The following CFAP54 variants were observed in gnomAD, a reference collection of about 807,000 sequenced individuals.
CFAP54 encodes cilia- and flagella-associated protein 54.
Under a neutral mutation model 370.4 loss-of-function variants are expected in CFAP54, and 290 were observed. The ratio of observed to expected loss-of-function variants is 0.78; its 90% CI spans 0.71 to 0.86. CFAP54 has a LOEUF of 0.86. Among genes scored for constraint, CFAP54 ranks in the 40% least tolerant of loss-of-function variants. The pLI, the probability that CFAP54 is intolerant of heterozygous loss-of-function variation, is 0.00. For synonymous variants in CFAP54, 1,206 were observed against 1,236.5 expected (o/e 0.98, Z 0.52); for missense variants, 3,399 against 3,528.7 (o/e 0.96, Z 0.93).
At chr12:96,629,945 G>A (rs1048266884) in intron 30 of CFAP54, 148 bp from the exon 31 acceptor site, 3 of 411,734 alleles carry the variant, frequency 7.3e-6, no homozygotes, top group Non-Finnish European at 1.3e-5. Flanking sequence ...ATGCTGAACA[G>A]AGATATCACA....
intron 9 of CFAP54, 67 bp from the exon 10 acceptor site, chr12:96,533,725 A>G (rs749113729): frequency 5.8e-5 from 69 of 1,189,700 alleles, no homozygotes; most frequent in Admixed American, 3.8e-4. Flanking sequence ...GAAAGTGTCT[A>G]TAGTGAATAT....
chr12:96,676,441 A>G (rs1247114152), intron 39 of CFAP54, among the ~76,000 whole-genome samples: 5 of 152,220 alleles, frequency 3.3e-5, no homozygotes, highest in African/African-American at 1.2e-4. Context: ...CCTAAATGTT[A>G]AAATCCTCAC....
rs917884707 is a variant in CFAP54 at position 96,776,981 on chromosome 12, G to T, written c.8282-7736G>T. 2.0e-5 allele frequency among the ~76,000 whole-genome samples: 3 copies of T among 152,054 alleles called. No homozygotes were observed. The East Asian group carries it at 5.8e-4, about 29-fold the overall frequency. On this transcript the variant is annotated intron_variant, in intron 60 of 67. Coordinates refer to ENST00000524981, the MANE Select transcript of CFAP54 (RefSeq NM_001306084.2). ...TATAAGTTTTCCAAAATTCTAAATC[G>T]TTACTTCAAAACTTGAATTTTATCT...
chr12:96,518,229 C>G (rs1404291551), intron 5 of CFAP54, among the ~76,000 whole-genome samples: 3 of 152,202 alleles, frequency 2.0e-5, no homozygotes, highest in African/African-American at 4.8e-5. Context: ...ATCACAGGCC[C>G]CAGGCTGTAA....
intron 39 of CFAP54, among the ~76,000 whole-genome samples, chr12:96,674,162 G>C (rs1215664365): frequency 6.6e-6 from 1 of 152,110 alleles, no homozygotes; most frequent in Non-Finnish European, 1.5e-5. Flanking sequence ...CCCTTTGGCA[G>C]GTGTGTTTGA....
intron 9 of CFAP54, among the ~76,000 whole-genome samples, chr12:96,530,240 A>G (rs1448853103): frequency 6.6e-6 from 1 of 152,250 alleles, no homozygotes; most frequent in African/African-American, 2.4e-5. Flanking sequence ...CTGTAACCCC[A>G]GCCCTTTGGG....
chr12:96,691,829 CCTT>C (rs2136565253), intron 44 of CFAP54, among the ~76,000 whole-genome samples: 1 of 152,140 alleles, frequency 6.6e-6, no homozygotes, highest in Non-Finnish European at 1.5e-5. Flanking sequence ...GCTCTCCTCT[CCTT>C]TGGGGAAAGA....
chr12:96,530,995 T>G (rs904381668), intron 9 of CFAP54, among the ~76,000 whole-genome samples: 1 of 152,236 alleles, frequency 6.6e-6, no homozygotes. Context: ...TAGTGTCTTT[T>G]GTTCACTTTC....
At chr12:96,779,046 G>T (rs2136687493) in intron 60 of CFAP54, among the ~76,000 whole-genome samples, 1 of 148,338 alleles carries the variant, frequency 6.7e-6, no homozygotes, top group East Asian at 2.0e-4. Context: ...GGTAGAGGTT[G>T]CAATGAGCTG....
intron 36 of CFAP54, among the ~76,000 whole-genome samples, chr12:96,656,824 G>A (rs1006461816): frequency 1.3e-5 from 2 of 152,240 alleles, no homozygotes; most frequent in Non-Finnish European, 2.9e-5. Context: ...TAGAATCAGT[G>A]AATTACAGTG....
At chr12:96,678,269 A>AT (rs369573628) in intron 39 of CFAP54, among the ~76,000 whole-genome samples, 42 of 151,656 alleles carry the variant, frequency 2.8e-4, no homozygotes, top group African/African-American at 9.5e-4. Context: ...TTTTTAATTA[A>AT]TTTTTTTCTG....
chr12:96,689,407 C>CAAG (rs1555293734), intron 43 of CFAP54, among the ~76,000 whole-genome samples: 3 of 152,134 alleles, frequency 2.0e-5, no homozygotes, highest in Non-Finnish European at 4.4e-5. Flanking sequence ...GTGATCCACC[C>CAAG]GTCTTGGCCT....
At chr12:96,503,819 A>G (rs1294373543) in intron 2 of CFAP54, 67 bp from the exon 3 acceptor site, 1 of 1,250,662 alleles carries the variant, frequency 8.0e-7, no homozygotes, top group African/African-American at 1.5e-5. Context: ...AATAATATGA[A>G]TATTACCTAA....
At chr12:96,780,244 A>G (rs11108695) in intron 60 of CFAP54, among the ~76,000 whole-genome samples, 49,904 of 152,036 alleles carry the variant, frequency 0.33, 9,266 homozygotes, top group East Asian at 0.44. Context: ...GTTCAGTTTT[A>G]GAAATCTTTT....
intron 65 of CFAP54, among the ~76,000 whole-genome samples, chr12:96,822,771 G>T (rs535361824): frequency 6.6e-6 from 1 of 152,302 alleles, no homozygotes; most frequent in African/African-American, 2.4e-5. Context: ...AAAGTTTCTT[G>T]TAAATCCTCT....
In CFAP54 at chr12:96,489,605, T is replaced by C; in HGVS notation, c.-5T>C. 1.3e-6 allele frequency: 2 copies of C among 1,512,768 alleles called. No homozygotes were observed. Among genetic ancestry groups the C allele is most frequent in the Admixed American group, 2.0e-5 (1 of 49,352 alleles). 93.7% of individuals were successfully genotyped at this position (1,512,768 alleles called of 1,614,324 possible). A position where few individuals can be genotyped will look rare whatever the true frequency, so the allele number is the denominator to read the frequency against. Reference sequence around the variant, plus strand: ...CATACTCCAGGCGGGCCGGGGCGCGTCAATATGGCGGCGCAGGGCTCCCCC... The same window carrying C: ...CATACTCCAGGCGGGCCGGGGCGCGCCAATATGGCGGCGCAGGGCTCCCCC... On this transcript the variant is annotated 5_prime_UTR_variant, in exon 1 of 68. Coordinates refer to ENST00000524981, the MANE Select transcript of CFAP54 (RefSeq NM_001306084.2).
At chr12:96,745,766 T>C (rs925935593) in intron 55 of CFAP54, among the ~76,000 whole-genome samples, 1 of 152,216 alleles carries the variant, frequency 6.6e-6, no homozygotes, top group African/African-American at 2.4e-5. Flanking sequence ...GATAACTTGT[T>C]TGTAAAAGTT....
At chr12:96,587,951 C>G (rs1001435199) in intron 22 of CFAP54, among the ~76,000 whole-genome samples, 2 of 152,110 alleles carry the variant, frequency 1.3e-5, no homozygotes, top group Non-Finnish European at 2.9e-5. Flanking sequence ...TTTCAATGTT[C>G]TGGTTTCCTC....
chr12:96,578,048 C>T (rs570230920), intron 20 of CFAP54, among the ~76,000 whole-genome samples: 32 of 151,972 alleles, frequency 2.1e-4, no homozygotes, highest in Admixed American at 2.6e-4. Flanking sequence ...GGAGACAGAG[C>T]GAAATACTAT....
Sources: gnomAD v4.1 joint callset for allele counts (sites outside exome capture counted in the v4.1 genomes callset) on GRCh38, gnomAD v4.1.1 for gene constraint, MANE v1.5 for transcripts, NCBI Gene and HGNC (gene_info 2026-07-23, HGNC 2026-07-21) for gene names.